FAM222B: variants seen among roughly 807,000 people sequenced by gnomAD.
FAM222B encodes family with sequence similarity 222 member B.
In FAM222B, 12 loss-of-function variants were observed where a neutral mutation model predicts 38.0. The ratio of observed to expected loss-of-function variants is 0.32; its 90% CI spans 0.20 to 0.51. The LOEUF is 0.51. Ranked by LOEUF, FAM222B falls within the 20% of genes least tolerant of loss-of-function variation. FAM222B has a pLI of 0.97. For missense variants in FAM222B, 716 were observed against 754.2 expected, an observed-to-expected ratio of 0.95 and a Z score of 0.59; for synonymous variants, 329 against 317.2, an observed-to-expected ratio of 1.04 and a Z score of -0.40.
At chr17:28,786,080 C>A (rs762865404) in intron 1 of FAM222B, among the ~76,000 whole-genome samples, 1 of 152,032 alleles carries the variant, frequency 6.6e-6, no homozygotes, top group African/African-American at 2.4e-5. Flanking sequence ...GATCTATCCA[C>A]CTCGGCCTCC....
In FAM222B at chr17:28,757,687, C is replaced by T. The variant is rs553093538; in HGVS notation, c.*583G>A. ...AGATCAAGTGTGGCAAGGGCAAGTG[C>T]AGTGGCTGTGGGATCAATATAGACA... On this transcript the variant is annotated 3_prime_UTR_variant, in exon 3 of 3. Transcript: ENST00000581407. 2.3e-4 allele frequency: 35 copies of T among 152,286 alleles called. No individual in the cohort carries two copies. Among genetic ancestry groups the T allele is most frequent in the African/African-American group, 8.2e-4 (34 of 41,538 alleles). The allele number at this position is 152,286 out of a possible 1,614,324, so 9.4% of individuals were successfully genotyped here.
At chr17:28,770,369 C>A (rs2035566105) in intron 1 of FAM222B, among the ~76,000 whole-genome samples, 1 of 152,308 alleles carries the variant, frequency 6.6e-6, no homozygotes, top group South Asian at 2.1e-4. Context: ...CTAGATTTGA[C>A]TTTTCCCAAA....
chr17:28,822,832 AATATATATATATATATATAT>A lies in FAM222B; in HGVS notation c.-41+19830_-41+19849del, dbSNP rs1254235399. Reference sequence around the variant, plus strand: ...AAAAAAAAAAAAAAAAAAAAAAAAAAATATATATATATATATATATATATATATATATACACACATATATA... The same window carrying A: ...AAAAAAAAAAAAAAAAAAAAAAAAAAATATATATATATACACACATATATA... On this transcript the variant is annotated intron_variant, in intron 1 of 2. Coordinates refer to ENST00000581407, the MANE Select transcript of FAM222B (RefSeq NM_001077498.3). 3.2e-3 allele frequency among the ~76,000 whole-genome samples: 138 copies of A among 42,796 alleles called. 3 individuals carry two copies. The highest frequency in any genetic ancestry group is 0.013 in the African/African-American group (109 of 8,552). 28.1% of individuals were successfully genotyped at this position (42,796 alleles called of 152,430 possible).
intron 1 of FAM222B, among the ~76,000 whole-genome samples, chr17:28,784,776 G>C (rs1157296576): frequency 6.6e-6 from 1 of 152,120 alleles, no homozygotes; most frequent in African/African-American, 2.4e-5. Context: ...GTTGCAGTGA[G>C]CTGCTCTGTC....
chr17:28,780,428 A>G (rs928892938), intron 1 of FAM222B, among the ~76,000 whole-genome samples: 5 of 152,210 alleles, frequency 3.3e-5, no homozygotes, highest in African/African-American at 1.2e-4. Flanking sequence ...GTAGTAGCAT[A>G]AGGAAATCAA....
chr17:28,766,758 AAG>A, intron 1 of FAM222B, 51 bp from the exon 2 acceptor site: 3 of 1,056,748 alleles, frequency 2.8e-6, no homozygotes, highest in East Asian at 5.2e-5. Context: ...TCATTCGAAG[AAG>A]AGAGTAGGAA....
At chr17:28,840,057 A>G (rs751776453) in intron 1 of FAM222B, among the ~76,000 whole-genome samples, 5 of 152,116 alleles carry the variant, frequency 3.3e-5, no homozygotes, top group Non-Finnish European at 7.3e-5. Context: ...TGTCCTTTTA[A>G]AAGGAGTCTG....
chr17:28,799,480 G>T (rs2037115201), intron 1 of FAM222B, among the ~76,000 whole-genome samples: 2 of 149,408 alleles, frequency 1.3e-5, no homozygotes. Flanking sequence ...TTTTGTTGTT[G>T]TTGTATTTTT....
chr17:28,796,199 C>G (rs770661670), intron 1 of FAM222B, among the ~76,000 whole-genome samples: 1 of 152,176 alleles, frequency 6.6e-6, no homozygotes. Context: ...TCACTATCTG[C>G]AATAAAAGTT....
upstream of FAM222B, among the ~76,000 whole-genome samples, chr17:28,846,272 G>C (rs978313592): frequency 6.6e-6 from 1 of 151,708 alleles, no homozygotes; most frequent in Non-Finnish European, 1.5e-5. Flanking sequence ...GGGAGGCTGA[G>C]GTGGGAGAAT....
chr17:28,804,852 C>G (rs2037406171), intron 1 of FAM222B, among the ~76,000 whole-genome samples: 1 of 148,992 alleles, frequency 6.7e-6, no homozygotes, highest in Non-Finnish European at 1.5e-5. Context: ...ACCATCCTGG[C>G]TAACACAGTG....
chr17:28,765,201 C>G (rs2035272363), intron 2 of FAM222B, among the ~76,000 whole-genome samples: 1 of 152,202 alleles, frequency 6.6e-6, no homozygotes, highest in Admixed American at 6.6e-5. Flanking sequence ...GTCTTACGCT[C>G]TCTCAAAGAA....
chr17:28,786,793 G>A (rs1029432220), intron 1 of FAM222B, among the ~76,000 whole-genome samples: 1 of 151,558 alleles, frequency 6.6e-6, no homozygotes, highest in African/African-American at 2.4e-5. Flanking sequence ...TGTGCACAAC[G>A]CCTTGCCATA....
chr17:28,819,974 C>A (rs1567883840), intron 1 of FAM222B, among the ~76,000 whole-genome samples: 1 of 152,166 alleles, frequency 6.6e-6, no homozygotes, highest in Non-Finnish European at 1.5e-5. Context: ...TTCACTTGTC[C>A]TTGATACAAA....
chr17:28,773,204 G>A (rs1323784672), intron 1 of FAM222B, among the ~76,000 whole-genome samples: 3 of 151,874 alleles, frequency 2.0e-5, no homozygotes, highest in African/African-American at 4.8e-5. Context: ...GGGCAGGTGC[G>A]GTGGCTCATG....
At chr17:28,849,332 G>A (rs1363762868) in intron 1 of FAM222B, 2 of 151,672 alleles carry the variant, frequency 1.3e-5, no homozygotes, top group East Asian at 1.9e-4. Flanking sequence ...TCTACTCTTC[G>A]GACCCGGGGC....
At chr17:28,836,457 C>T (rs1039475296) in intron 1 of FAM222B, among the ~76,000 whole-genome samples, 4 of 152,020 alleles carry the variant, frequency 2.6e-5, no homozygotes, top group African/African-American at 9.7e-5. Context: ...CCCTCAGATG[C>T]TGAGTTAAAG....
In FAM222B at chr17:28,759,691, G is replaced by C. The variant is rs778995606; in HGVS notation, c.268C>G (p.Pro90Ala). ...GLDTSAQRYS[P>A]YPTQAATKAG... ...TTGGTGGCAGCCTGTGTCGGGTAGG[G>C]GCTGTAGCGCTGGGCTGATGTGTCG... Residue 90 changes from proline to alanine, a missense_variant, in exon 3 of 3, where the codon CCC becomes GCC. Coordinates refer to ENST00000581407, the MANE Select transcript of FAM222B (RefSeq NM_001077498.3). The surrounding 1 kb of genome is among the most constrained non-coding windows in gnomAD (Gnocchi z 4.8). 1 of 1,613,814 alleles carries C rather than the reference G, an allele frequency of 6.2e-7. No individual in the cohort carries two copies. Among genetic ancestry groups the C allele is most frequent in the Non-Finnish European group, 8.5e-7 (1 of 1,179,812 alleles).
intron 1 of FAM222B, among the ~76,000 whole-genome samples, chr17:28,799,571 A>C (rs2037121120): frequency 6.6e-6 from 1 of 152,050 alleles, no homozygotes; most frequent in South Asian, 2.1e-4. Flanking sequence ...GGCCTACCAA[A>C]GTGCTGGGAT....
Sources: allele counts gnomAD v4.1 joint callset (sites outside exome capture counted in the v4.1 genomes callset), GRCh38; gene constraint gnomAD v4.1.1; non-coding constraint Gnocchi (gnomAD v3.1); transcripts MANE v1.5; gene names NCBI Gene and HGNC (gene_info 2026-07-23, HGNC 2026-07-21).